PPP1R16B: variants seen among roughly 807,000 people sequenced by gnomAD.
PPP1R16B encodes protein phosphatase 1 regulatory inhibitor subunit 16B.
Under a neutral mutation model 61.7 loss-of-function variants are expected in PPP1R16B, and 14 were observed. The observed-to-expected ratio is 0.23, with a 90% CI of 0.15 to 0.35. The LOEUF (loss-of-function observed/expected upper bound fraction) is 0.35, where lower values mean the gene tolerates loss of function less well. PPP1R16B is among the 10% of genes least tolerant of loss of function. The pLI is 1.00. For missense variants in PPP1R16B, 547 were observed against 752.5 expected (o/e 0.73, Z 3.19); for synonymous variants, 266 against 305.3 (o/e 0.87, Z 1.34).
chr20:38,850,715 G>A (rs886354859), intron 2 of PPP1R16B, among the ~76,000 whole-genome samples: 3 of 152,002 alleles, frequency 2.0e-5, no homozygotes, highest in Admixed American at 6.5e-5. Context: ...CCTGTTAATC[G>A]CAGCACTTTG....
chr20:38,907,053 A>G lies in PPP1R16B; in HGVS notation c.897A>G (p.Ile299Met). The G allele has an allele frequency of 1.9e-6, 3 of 1,611,828 alleles. No individual in the cohort carries two copies. Among genetic ancestry groups the G allele is most frequent in the Non-Finnish European group, 2.5e-6 (3 of 1,177,844 alleles). Reference protein sequence around the residue: ...SARTSMDEMPIDLCEEEEFKV... With the variant: ...SARTSMDEMPMDLCEEEEFKV... The stretch of plus-strand genomic sequence containing the variant: ...GGACATCCATGGATGAGATGCCAAT[A>G]GGTAAGTCCAGCACAATAGCTGGTG... The change falls in exon 8 of 11, where the codon ATA (isoleucine) becomes ATG (methionine). Residue 299 changes from isoleucine (I) to methionine (M), a missense_variant and splice_region_variant. Transcript: ENST00000299824. The surrounding 1 kb of genome is among the most constrained non-coding windows in gnomAD (Gnocchi z 4.5).
intron 10 of PPP1R16B, among the ~76,000 whole-genome samples, chr20:38,912,616 A>G (rs2085501584): frequency 6.6e-6 from 1 of 151,750 alleles, no homozygotes; most frequent in Non-Finnish European, 1.5e-5. Flanking sequence ...TCAATGCTGC[A>G]GTGAGCTATG....
At position 38,806,921 on chromosome 20, in the gene PPP1R16B, T is replaced by C. The variant is rs1315791411; in HGVS notation, c.-102+1129T>C. Among the ~76,000 whole-genome samples, 1 of 152,176 alleles carries C rather than the reference T, an allele frequency of 6.6e-6. No individual in the cohort carries two copies. The highest frequency in any genetic ancestry group is 1.9e-4 in the East Asian group (1 of 5,164). On this transcript the variant is annotated intron_variant, in intron 1 of 10. Coordinates refer to ENST00000299824, the MANE Select transcript of PPP1R16B (RefSeq NM_015568.4). This position sits in a 1 kb window ranked among gnomAD's most constrained non-coding sequence, Gnocchi z 4.5. ...AGGGATGTGGCTTCATCAGCGCTTC[T>C]AGGAACCGAAAACCGAGCTGCCTGC...
intron 2 of PPP1R16B, among the ~76,000 whole-genome samples, chr20:38,883,238 C>T (rs1251034703): frequency 6.6e-6 from 1 of 152,200 alleles, no homozygotes; most frequent in African/African-American, 2.4e-5. Context: ...TGGCTGTCTC[C>T]GTTTCCCCAG....
chr20:38,856,045 C>G (rs887066211), intron 2 of PPP1R16B, among the ~76,000 whole-genome samples: 1 of 145,496 alleles, frequency 6.9e-6, no homozygotes, highest in Non-Finnish European at 1.5e-5. Flanking sequence ...CTTGATGGTT[C>G]CAAACTGATG....
intron 2 of PPP1R16B, among the ~76,000 whole-genome samples, chr20:38,857,500 G>A (rs1017090617): frequency 3.9e-5 from 6 of 152,194 alleles, no homozygotes; most frequent in African/African-American, 1.4e-4. Context: ...ATTCCAGGAG[G>A]TTCTTGATTG....
At chr20:38,809,504 G>C (rs1439900660) in intron 1 of PPP1R16B, among the ~76,000 whole-genome samples, 1 of 152,120 alleles carries the variant, frequency 6.6e-6, no homozygotes, top group African/African-American at 2.4e-5. Context: ...TGGGATAAAG[G>C]CTGCAACAGC....
rs763929637 is a variant in PPP1R16B at position 38,922,819 on chromosome 20, C to A, written c.*4153C>A. ...TATTTAAAACTTTTTTAAAAAAAAT[C>A]TTCGCAGATCTTTGATATCGTACTG... On this transcript the variant is annotated 3_prime_UTR_variant, in exon 11 of 11. Coordinates refer to ENST00000299824, the MANE Select transcript of PPP1R16B (RefSeq NM_015568.4). 3.3e-5 allele frequency: 5 copies of A among 152,532 alleles called. 1 individual carries two copies. Among genetic ancestry groups the A allele is most frequent in the Admixed American group, 6.6e-5 (1 of 15,264 alleles). The allele number at this position is 152,532 out of a possible 1,614,324, so 9.4% of individuals were successfully genotyped here.
chr20:38,869,853 C>A (rs1279575909), intron 2 of PPP1R16B, among the ~76,000 whole-genome samples: 1 of 151,802 alleles, frequency 6.6e-6, no homozygotes, highest in Non-Finnish European at 1.5e-5. Context: ...CCCTGCCCCA[C>A]CCCCATCCCG....
chr20:38,814,218 C>A (rs1028074379), intron 1 of PPP1R16B, among the ~76,000 whole-genome samples: 7 of 152,180 alleles, frequency 4.6e-5, no homozygotes, highest in African/African-American at 1.7e-4. Flanking sequence ...TTCAGGACAT[C>A]CGGCTTCAAA....
At chr20:38,911,657 C>T (rs2085491457) in intron 10 of PPP1R16B, among the ~76,000 whole-genome samples, 1 of 152,034 alleles carries the variant, frequency 6.6e-6, no homozygotes, top group African/African-American at 2.4e-5. Context: ...CTGCCTCAGC[C>T]TCCTGAGTAG....
At chr20:38,856,757 G>A (rs1391633051) in intron 2 of PPP1R16B, among the ~76,000 whole-genome samples, 1 of 152,212 alleles carries the variant, frequency 6.6e-6, no homozygotes, top group African/African-American at 2.4e-5. Flanking sequence ...CATCTTACAG[G>A]TGGATAAACT....
intron 10 of PPP1R16B, among the ~76,000 whole-genome samples, chr20:38,917,753 C>T (rs941609068): frequency 7.2e-5 from 11 of 152,162 alleles, no homozygotes; most frequent in Non-Finnish European, 8.8e-5. Context: ...TGCAAGCAGA[C>T]CCTTCAACAT....
intron 2 of PPP1R16B, among the ~76,000 whole-genome samples, chr20:38,851,686 G>C (rs1004117493): frequency 3.3e-5 from 5 of 152,096 alleles, no homozygotes; most frequent in Admixed American, 2.0e-4. Context: ...ATTGTGAAGA[G>C]AGCATAGTAT....
chr20:38,816,607 T>G (rs557065082), intron 1 of PPP1R16B, among the ~76,000 whole-genome samples: 60 of 152,338 alleles, frequency 3.9e-4, no homozygotes, highest in Admixed American at 3.7e-3. Context: ...TACATTTTCT[T>G]TGGGCCCACC....
intron 10 of PPP1R16B, among the ~76,000 whole-genome samples, chr20:38,917,906 C>A (rs926205161): frequency 4.6e-5 from 7 of 152,114 alleles, no homozygotes. Flanking sequence ...TGGGCCAATC[C>A]CTGTAGTGAA....
At chr20:38,826,796 C>T (rs2084808118) in intron 1 of PPP1R16B, among the ~76,000 whole-genome samples, 1 of 152,206 alleles carries the variant, frequency 6.6e-6, no homozygotes, top group Non-Finnish European at 1.5e-5. Flanking sequence ...CACCATAGAC[C>T]TCTAAAGGCC....
At chr20:38,855,969 GA>G (rs1389055653) in intron 2 of PPP1R16B, among the ~76,000 whole-genome samples, 2 of 122,884 alleles carry the variant, frequency 1.6e-5, no homozygotes, top group Non-Finnish European at 3.4e-5. Context: ...GAGAGAGAGA[GA>G]GAGAGAGAGA....
chr20:38,865,140 G>T (rs1248034155), intron 2 of PPP1R16B, among the ~76,000 whole-genome samples: 3 of 152,092 alleles, frequency 2.0e-5, no homozygotes, highest in Non-Finnish European at 2.9e-5. Flanking sequence ...AGATGATCCT[G>T]GGGCCCCGGT....
Sources: gnomAD v4.1 joint callset for allele counts (sites outside exome capture counted in the v4.1 genomes callset) on GRCh38, gnomAD v4.1.1 for gene constraint, Gnocchi (gnomAD v3.1) non-coding constraint, MANE v1.5 for transcripts, NCBI Gene and HGNC (gene_info 2026-07-23, HGNC 2026-07-21) for gene names.